UBR2: variants seen among roughly 807,000 people sequenced by gnomAD.
UBR2 encodes E3 ubiquitin-protein ligase UBR2.
In UBR2, 92 loss-of-function variants were observed where a neutral mutation model predicts 247.9. The observed-to-expected ratio is 0.37, with a 90% CI of 0.31 to 0.44. The LOEUF (loss-of-function observed/expected upper bound fraction) is 0.44, where lower values mean the gene tolerates loss of function less well. UBR2 is among the 20% of genes least tolerant of loss of function. The pLI is 1.00. For synonymous variants in UBR2, 672 were observed against 693.5 expected (o/e 0.97, Z 0.49); for missense variants, 1,613 against 2,112.6 (o/e 0.76, Z 4.64).
intron 34 of UBR2, among the ~76,000 whole-genome samples, chr6:42,667,335 CAAAA>C (rs752155076): frequency 7.5e-6 from 1 of 132,792 alleles, no homozygotes; most frequent in Non-Finnish European, 1.6e-5. Flanking sequence ...GACCCTATCT[CAAAA>C]AAAAAAAAAA....
chr6:42,661,801 C>A (rs1268187973), intron 30 of UBR2, among the ~76,000 whole-genome samples: 1 of 152,180 alleles, frequency 6.6e-6, no homozygotes, highest in Non-Finnish European at 1.5e-5. Flanking sequence ...AACCCAGCTG[C>A]CCTGAACGCA....
chr6:42,664,842 A>G (rs569656394), intron 32 of UBR2, among the ~76,000 whole-genome samples: 1 of 152,344 alleles, frequency 6.6e-6, no homozygotes, highest in South Asian at 2.1e-4. Context: ...TACAATCATA[A>G]AAAGAACACA....
chr6:42,611,365 G>A (rs975914900), intron 7 of UBR2, among the ~76,000 whole-genome samples: 1 of 151,298 alleles, frequency 6.6e-6, no homozygotes, highest in Non-Finnish European at 1.5e-5. Flanking sequence ...GGAAGCTGAG[G>A]CAGGAGAATT....
At chr6:42,658,432 G>T (rs1315222256) in intron 28 of UBR2, 112 bp downstream of exon 28, 2 of 1,153,704 alleles carry the variant, frequency 1.7e-6, no homozygotes, top group East Asian at 5.1e-5. Context: ...TAAATTCCAA[G>T]AAATATGCCA....
chr6:42,673,732 T>A, intron 36 of UBR2, 59 bp from the exon 37 acceptor site: 1 of 1,277,742 alleles, frequency 7.8e-7, no homozygotes, highest in Non-Finnish European at 1.1e-6. Context: ...GAACTAGCAT[T>A]CCTGAAAGAG....
intron 1 of UBR2, among the ~76,000 whole-genome samples, chr6:42,572,349 C>A (rs1057250446): frequency 2.0e-4 from 31 of 151,962 alleles, no homozygotes; most frequent in Non-Finnish European, 5.9e-5. Context: ...TATTTAAAAT[C>A]TCTCTGTATG....
chr6:42,564,257 G>A lies in UBR2; in HGVS notation c.-63G>A. 1.3e-6 allele frequency: 2 copies of A among 1,565,142 alleles called. No individual in the cohort carries two copies. Among genetic ancestry groups the A allele is most frequent in the Non-Finnish European group, 1.7e-6 (2 of 1,155,428 alleles). On this transcript the variant is annotated 5_prime_UTR_variant, in exon 1 of 47. Coordinates refer to ENST00000372901, the MANE Select transcript of UBR2 (RefSeq NM_001363705.2). ...GGCAGGGGTGGCAGTCGAGGCCGCC[G>A]GGGCCGAGGTGAGGCTGCAGCTCTC...
chr6:42,647,847 C>A (rs1796868550), intron 21 of UBR2, among the ~76,000 whole-genome samples: 1 of 152,058 alleles, frequency 6.6e-6, no homozygotes, highest in Non-Finnish European at 1.5e-5. Context: ...TACCTTGATT[C>A]TATATGGCAG....
chr6:42,682,434 A>G (rs554548092), intron 42 of UBR2, among the ~76,000 whole-genome samples: 1 of 152,156 alleles, frequency 6.6e-6, no homozygotes, highest in South Asian at 2.1e-4. Context: ...CCACACTAAA[A>G]AAAAAAATTT....
intron 21 of UBR2, among the ~76,000 whole-genome samples, chr6:42,646,472 T>C (rs147470216): frequency 3.9e-4 from 60 of 152,304 alleles, no homozygotes; most frequent in African/African-American, 1.4e-3. Flanking sequence ...CACTGTATTA[T>C]TTCCTAGAGA....
intron 5 of UBR2, among the ~76,000 whole-genome samples, chr6:42,605,223 TAG>T (rs1186578747): frequency 6.6e-6 from 1 of 152,088 alleles, no homozygotes; most frequent in Non-Finnish European, 1.5e-5. Context: ...GTGTTGGAAT[TAG>T]GGGCCAGATT....
rs745620400 is a variant in UBR2, at chr6:42,594,188, A to G, written c.418-3A>G. On this transcript the variant is annotated splice_region_variant and splice_polypyrimidine_tract_variant and intron_variant, in intron 3 of 46. Coordinates refer to ENST00000372901, the MANE Select transcript of UBR2 (RefSeq NM_001363705.2). ...ACAAGATACTTTACAATTTTTTTCC[A>G]AGATGACAACATCAGGAGGTGGAGG... is the stretch of plus-strand genomic sequence containing the variant. The G allele has an allele frequency of 6.2e-7, 1 of 1,607,342 alleles. No homozygotes were observed. The highest frequency in any genetic ancestry group is 8.5e-7 in the Non-Finnish European group (1 of 1,176,706).
chr6:42,683,026 G>A, intron 42 of UBR2, 29 bp from the exon 43 acceptor site: 1 of 1,509,582 alleles, frequency 6.6e-7, no homozygotes, highest in Non-Finnish European at 8.9e-7. Context: ...AAAGTGTTTT[G>A]TGTTTTTCCC....
intron 11 of UBR2, among the ~76,000 whole-genome samples, chr6:42,629,029 G>A (rs1019061964): frequency 6.6e-6 from 1 of 151,730 alleles, no homozygotes; most frequent in African/African-American, 2.4e-5. Flanking sequence ...TTTTGTTTTT[G>A]TTTTGAGATA....
In UBR2 at chr6:42,686,267, G is replaced by C. The variant is rs571125086; in HGVS notation, c.4853+1396G>C. Among the ~76,000 whole-genome samples, 11 of 151,536 alleles carry C rather than the reference G, an allele frequency of 7.3e-5. No homozygotes were observed. The East Asian group carries it at 1.6e-3, about 21-fold the overall frequency. On this transcript the variant is annotated intron_variant, in intron 44 of 46. Coordinates refer to ENST00000372901, the MANE Select transcript of UBR2 (RefSeq NM_001363705.2). ...GTGTCCCTGGGTACTTGAGATTAGG[G>C]AGTGGTGATGACTCTTAACGAGCAT... is the stretch of plus-strand genomic sequence containing the variant.
intron 38 of UBR2, among the ~76,000 whole-genome samples, chr6:42,675,028 C>G (rs1582709656): frequency 6.6e-6 from 1 of 152,186 alleles, no homozygotes; most frequent in Non-Finnish European, 1.5e-5. Flanking sequence ...CCAGCAGCCC[C>G]GAGTGCTGTG....
intron 2 of UBR2, among the ~76,000 whole-genome samples, chr6:42,575,322 G>C (rs1441936708): frequency 6.6e-6 from 1 of 152,094 alleles, no homozygotes; most frequent in Non-Finnish European, 1.5e-5. Context: ...ATAGAGAACA[G>C]TATATATATT....
chr6:42,600,625 C>CCAAAAA (rs1793299726), intron 4 of UBR2, among the ~76,000 whole-genome samples: 1 of 106,166 alleles, frequency 9.4e-6, no homozygotes, highest in African/African-American at 3.7e-5. Context: ...GTTACTGTAG[C>CCAAAAA]AAAAAAAAAA....
Position 42,652,501 on chromosome 6 carries a change from T to G in UBR2, c.2625T>G (p.Pro875=), listed in dbSNP as rs1005414582. The G allele has an allele frequency of 9.3e-6, 15 of 1,604,508 alleles. No individual in the cohort carries two copies. In the East Asian group the frequency reaches 3.4e-4, roughly 36 times the overall value. Residue 875 remains proline (P), a synonymous_variant, in exon 25 of 47, where the codon CCT becomes CCG. Coordinates refer to ENST00000372901, the MANE Select transcript of UBR2 (RefSeq NM_001363705.2). ...CAACTGTATTTTCAGCACTCCCACC[T>G]CCGGTGTTGCCTCCATTCTGCCCTC... ...RQNREDTALP[P]PVLPPFCPLF... is the part of the protein sequence containing the mutation.
Sources: allele counts gnomAD v4.1 joint callset (sites outside exome capture counted in the v4.1 genomes callset), GRCh38; gene constraint gnomAD v4.1.1; transcripts MANE v1.5; gene names NCBI Gene and HGNC (gene_info 2026-07-23, HGNC 2026-07-21).